Variants in MYO7A observed in about 807,000 individuals in gnomAD.
MYO7A encodes the protein unconventional myosin-VIIa.
In MYO7A, 210 loss-of-function variants were observed where a neutral mutation model predicts 263.8. The observed-to-expected ratio is 0.80, with a 90% CI of 0.71 to 0.89. The LOEUF is 0.89. Ranked by LOEUF, MYO7A falls within the 40% of genes least tolerant of loss-of-function variation. The probability of loss-of-function intolerance (pLI) is 0.00; values close to 1 mark genes in which losing one functional copy is unlikely to be tolerated. For synonymous variants in MYO7A, 1,239 were observed against 1,197.3 expected, an observed-to-expected ratio of 1.03 and a Z score of -0.72; for missense variants, 2,820 against 2,968.3, an observed-to-expected ratio of 0.95 and a Z score of 1.16.
At chr11:77,161,258 C>T (rs1952971867) in intron 12 of MYO7A, 143 bp downstream of exon 12, 1 of 1,066,598 alleles carries the variant, frequency 9.4e-7, no homozygotes, top group African/African-American at 1.6e-5. Flanking sequence ...GACCCTCTCC[C>T]TTTCCTTCCC....
chr11:77,160,106 G>A, intron 10 of MYO7A, 57 bp from the exon 11 acceptor site: 1 of 1,532,064 alleles, frequency 6.5e-7, no homozygotes, highest in Non-Finnish European at 8.8e-7. Flanking sequence ...GGATCCGGGT[G>A]TGGGTGGAGG....
At chr11:77,163,827 G>A (rs1471981669) in intron 14 of MYO7A, among the ~76,000 whole-genome samples, 2 of 182 alleles carry the variant, frequency 0.011, no homozygotes, top group Admixed American at 0.062. Context: ...ATCTGCTAAT[G>A]GACTTTTGGG....
chr11:77,178,174 C>T (rs1367697993), intron 19 of MYO7A, among the ~76,000 whole-genome samples: 2 of 4,030 alleles, frequency 5.0e-4, no homozygotes, highest in Non-Finnish European at 1.3e-3. Context: ...TCCATCCGTC[C>T]GTTCACCCAC....
At chr11:77,179,594 C>A (rs1954992281) in intron 20 of MYO7A, 141 bp from the exon 21 acceptor site, 2 of 675,914 alleles carry the variant, frequency 3.0e-6, no homozygotes, top group African/African-American at 3.6e-5. Flanking sequence ...GATGGGGGGG[C>A]ACTAATCTGA....
intron 3 of MYO7A, among the ~76,000 whole-genome samples, chr11:77,147,065 G>A (rs1951623588): frequency 6.6e-6 from 1 of 152,076 alleles, no homozygotes; most frequent in African/African-American, 2.4e-5. Context: ...TGCTCCCACA[G>A]GTCATCAGCA....
At chr11:77,182,344 A>G (rs959531427) in intron 24 of MYO7A, 80 bp from the exon 25 acceptor site, 6 of 1,486,782 alleles carry the variant, frequency 4.0e-6, no homozygotes, top group Non-Finnish European at 3.6e-6. Context: ...TCTCCAGCCC[A>G]CTCCCCAAAC....
intron 44 of MYO7A, 25 bp downstream of exon 44, chr11:77,208,828 C>G (rs769940597): frequency 1.1e-5 from 16 of 1,485,768 alleles, no homozygotes; most frequent in Non-Finnish European, 1.4e-5. Context: ...ACTCTAGTTG[C>G]CTTCGTGCAC....
intron 18 of MYO7A, among the ~76,000 whole-genome samples, chr11:77,175,801 TG>T (rs1361133031): frequency 1.7e-4 from 26 of 152,304 alleles, no homozygotes; most frequent in African/African-American, 6.3e-4. Flanking sequence ...ATCTGTAAAT[TG>T]GGGTGTGCCT....
chr11:77,134,914 A>G (rs555267879), intron 2 of MYO7A, among the ~76,000 whole-genome samples: 1 of 151,244 alleles, frequency 6.6e-6, no homozygotes, highest in South Asian at 2.1e-4. Flanking sequence ...CCTCCTGAGT[A>G]CCTGGGATTA....
chr11:77,192,336 C>T (rs1456496223), intron 31 of MYO7A, 58 bp downstream of exon 31: 34 of 1,544,448 alleles, frequency 2.2e-5, no homozygotes, highest in Admixed American at 6.7e-5. Flanking sequence ...CTGCTTTCCA[C>T]GTTTGGGCTG....
intron 2 of MYO7A, among the ~76,000 whole-genome samples, chr11:77,134,617 A>G (rs1555046897): frequency 1.3e-5 from 2 of 151,700 alleles, no homozygotes; most frequent in Non-Finnish European, 1.5e-5. Context: ...ACAGGCGCCT[A>G]TCACTGTGCC....
chr11:77,172,916 G>A, intron 16 of MYO7A, 31 bp downstream of exon 16: 1 of 1,534,514 alleles, frequency 6.5e-7, no homozygotes, highest in Non-Finnish European at 8.8e-7. Flanking sequence ...GTTGGCGGGT[G>A]GCGGCTAGGG....
intron 19 of MYO7A, among the ~76,000 whole-genome samples, chr11:77,178,409 C>T (rs1555081687): frequency 6.6e-6 from 1 of 152,002 alleles, no homozygotes; most frequent in Non-Finnish European, 1.5e-5. Flanking sequence ...CCCATTCATT[C>T]CTCCATTCAT....
intron 36 of MYO7A, 109 bp downstream of exon 36, chr11:77,201,747 A>C: frequency 8.4e-7 from 1 of 1,184,020 alleles, no homozygotes; most frequent in Non-Finnish European, 1.2e-6. Context: ...TGTGAAGATG[A>C]TCTTGGGATC....
At chr11:77,208,593 C>A in intron 43 of MYO7A, 76 bp downstream of exon 43, 1 of 1,525,650 alleles carries the variant, frequency 6.6e-7, no homozygotes, top group African/African-American at 1.4e-5. Context: ...CCGTGAGGCC[C>A]ACCTAGGCGG....
rs146533451 is a variant in MYO7A at position 77,182,655 on chromosome 11, G to T, written c.3285+55G>T. ...CCCTCCCAGGCCGACAAGGAGGGCC[G>T]CTGGCATCACCAGCCTTGGGCTCCT... On this transcript the variant is annotated intron_variant, in intron 25 of 48. Coordinates refer to ENST00000409709, the MANE Select transcript of MYO7A (RefSeq NM_000260.4). 2.5e-4 allele frequency: 399 copies of T among 1,580,406 alleles called. 3 individuals carry two copies. The East Asian group carries it at 8.8e-3, about 35-fold the overall frequency.
chr11:77,150,480 C>T (rs1203547665), intron 4 of MYO7A, among the ~76,000 whole-genome samples: 1 of 152,164 alleles, frequency 6.6e-6, no homozygotes, highest in Non-Finnish European at 1.5e-5. Context: ...TTACATCCTC[C>T]AGGAGGGTTT....
At position 77,198,524 on chromosome 11, in the gene MYO7A, G is replaced by A. The variant is rs369768947; in HGVS notation, c.4471G>A (p.Val1491Met). ...GPSLPKNDVI[V>M]AVNWTGVYFV... Reference sequence around the variant, plus strand: ...CAGTCTCCCCAAGAACGACGTCATCGTGGCCGTCAACTGGACGGGTGTGTA... The same window carrying A: ...CAGTCTCCCCAAGAACGACGTCATCATGGCCGTCAACTGGACGGGTGTGTA... Residue 1491 changes from valine to methionine, a missense_variant, in exon 34 of 49, where the codon GTG (valine) becomes ATG (methionine). By Grantham distance (21) the Val-to-Met change is conservative. Transcript: ENST00000409709. 8.4e-5 allele frequency: 136 copies of A among 1,613,920 alleles called. No individual in the cohort carries two copies. Among genetic ancestry groups the A allele is most frequent in the Admixed American group, 6.2e-4 (37 of 60,026 alleles).
chr11:77,181,964 G>A lies in MYO7A; in HGVS notation c.2918G>A (p.Gly973Glu), dbSNP rs1555084782. Residue 973 changes from glycine (G) to glutamate (E), a missense_variant, in exon 24 of 49, where the codon GGG becomes GAG. By Grantham distance (98) the Gly-to-Glu change is moderately conservative. Transcript: ENST00000409709. ...TGTCTCCTTCAGGACCTGGAGCGAG[G>A]GCGGAGGGAGATGGTGGAGGAGGAC... Reference protein sequence around the residue: ...APSGFEDLERGRREMVEEDLD... With the variant: ...APSGFEDLERERREMVEEDLD... 2.5e-6 allele frequency: 4 copies of A among 1,613,110 alleles called. No individual in the cohort carries two copies. The Admixed American group carries it at 6.7e-5, about 27-fold the overall frequency.
Sources: gnomAD v4.1 joint callset for allele counts (sites outside exome capture counted in the v4.1 genomes callset) on GRCh38, gnomAD v4.1.1 for gene constraint, MANE v1.5 for transcripts, NCBI Gene and HGNC (gene_info 2026-07-23, HGNC 2026-07-21) for gene names.